LAMA1: variants seen among roughly 807,000 people sequenced by gnomAD.
The protein encoded by LAMA1 is laminin subunit alpha 1.
Under a neutral mutation model 348.7 loss-of-function variants are expected in LAMA1, and 219 were observed. That is an observed-to-expected ratio of 0.63 (90% CI 0.56 to 0.70). The LOEUF is 0.70. Ranked by LOEUF, LAMA1 falls within the 30% of genes least tolerant of loss-of-function variation. The pLI is 0.00. For synonymous variants in LAMA1, 1,487 were observed against 1,491.0 expected, an observed-to-expected ratio of 1.00 and a Z score of 0.06; for missense variants, 3,744 against 3,888.0, an observed-to-expected ratio of 0.96 and a Z score of 0.99.
At position 7,044,826 on chromosome 18, in the gene LAMA1, TG is replaced by T; in HGVS notation, c.871del (p.Gln291AsnfsTer59). On this transcript the variant is annotated frameshift_variant, in exon 7 of 63. Transcript: ENST00000389658. LOFTEE classifies it high-confidence loss of function. Reference sequence around the variant, plus strand: ...CTCCCCGCAAGTATTATGCTCACATTGACACTGCAGTTTCTACACAATAAGG... The same window carrying T: ...CTCCCCGCAAGTATTATGCTCACATTACACTGCAGTTTCTACACAATAAGG... ...WDETTKKLQCQCEHNTCGESC... is the reference protein window; with the variant it reads ...WDETTKKLQCXCEHNTCGESC... 6.2e-7 allele frequency: 1 copy of T among 1,613,342 alleles called. No homozygotes were observed. The highest frequency in any genetic ancestry group is 8.5e-7 in the Non-Finnish European group (1 of 1,179,284).
chr18:7,024,494 T>G (rs765587816), intron 17 of LAMA1, 28 bp from the exon 18 acceptor site: 1 of 1,575,828 alleles, frequency 6.3e-7, no homozygotes, highest in South Asian at 1.1e-5. Flanking sequence ...ATGAACAAAA[T>G]TTTCCAATGG....
Position 6,948,642 on chromosome 18 carries a change from G to T in LAMA1, c.8557-86C>A, listed in dbSNP as rs1403116400. 6 of 1,472,278 alleles carry T rather than the reference G, an allele frequency of 4.1e-6. No individual in the cohort carries two copies. In the African/African-American group the frequency reaches 5.5e-5, roughly 14 times the overall value. The allele number at this position is 1,472,278 out of a possible 1,614,324, so 91.2% of individuals were successfully genotyped here. A position where few individuals can be genotyped will look rare whatever the true frequency, so the allele number is the denominator to read the frequency against. ...ATTTTCCTTCCACTTCATCAGACTG[G>T]TCTCAGCAAAACACATTAAAATGTA... is the stretch of plus-strand genomic sequence containing the variant. On this transcript the variant is annotated intron_variant, in intron 59 of 62. Transcript: ENST00000389658.
intron 7 of LAMA1, 59 bp downstream of exon 7, chr18:7,044,663 A>C: frequency 7.6e-7 from 1 of 1,312,644 alleles, no homozygotes; most frequent in Non-Finnish European, 1.1e-6. Flanking sequence ...AAGACACCAT[A>C]AACTTGGGAC....
chr18:7,021,836 A>ATATTATTATATTATATAAT (rs1240631633), intron 19 of LAMA1, among the ~76,000 whole-genome samples: 20 of 58,154 alleles, frequency 3.4e-4, no homozygotes, highest in South Asian at 6.9e-4. Context: ...ATAATATAAT[A>ATATTATTATATTATATAAT]ATATATTATA....
chr18:7,087,493 C>T (rs2058222517), intron 1 of LAMA1, among the ~76,000 whole-genome samples: 1 of 152,192 alleles, frequency 6.6e-6, no homozygotes, highest in South Asian at 2.1e-4. Flanking sequence ...TCTTCCTTCC[C>T]CTGGCCCACT....
intron 1 of LAMA1, among the ~76,000 whole-genome samples, chr18:7,096,626 G>A (rs1223261457): frequency 6.6e-6 from 1 of 151,546 alleles, no homozygotes; most frequent in Non-Finnish European, 1.5e-5. Context: ...CTGCAATCCA[G>A]TCTAGGTGAC....
At chr18:7,013,029 T>C (rs535307916) in intron 23 of LAMA1, among the ~76,000 whole-genome samples, 8 of 151,732 alleles carry the variant, frequency 5.3e-5, no homozygotes, top group African/African-American at 1.9e-4. Flanking sequence ...GGCGTGGTGG[T>C]GGGCACCTCT....
At chr18:7,031,985 CT>C in intron 16 of LAMA1, 80 bp downstream of exon 16, 1 of 1,051,516 alleles carries the variant, frequency 9.5e-7, no homozygotes, top group Non-Finnish European at 1.4e-6. Flanking sequence ...GGAGGAAGCA[CT>C]TAAAAAAAAA....
intron 1 of LAMA1, among the ~76,000 whole-genome samples, chr18:7,092,496 C>T (rs2058243288): frequency 1.3e-5 from 2 of 151,946 alleles, no homozygotes; most frequent in African/African-American, 2.4e-5. Flanking sequence ...CGTGGTGGCA[C>T]GCACTGTAGT....
intron 56 of LAMA1, 194 bp from the exon 57 acceptor site, chr18:6,955,659 C>A: frequency 1.5e-6 from 1 of 682,974 alleles, no homozygotes; most frequent in Non-Finnish European, 2.7e-6. Context: ...CTGAAGAAAG[C>A]ACTTAGAGCT....
At chr18:7,017,784 T>C (rs1264940722) in intron 19 of LAMA1, among the ~76,000 whole-genome samples, 3 of 152,218 alleles carry the variant, frequency 2.0e-5, no homozygotes, top group Non-Finnish European at 4.4e-5. Flanking sequence ...AGTTAAAACG[T>C]AATCTAAATA....
At chr18:6,955,216 C>T (rs2057569654) in intron 57 of LAMA1, 137 bp downstream of exon 57, 2 of 726,164 alleles carry the variant, frequency 2.8e-6, no homozygotes, top group East Asian at 2.7e-5. Context: ...AATTCCTTCT[C>T]TTTGCCATTT....
Position 6,991,389 on chromosome 18 carries a change from C to CT in LAMA1, c.5168+1171dup, listed in dbSNP as rs34001050. On this transcript the variant is annotated intron_variant, in intron 36 of 62. Transcript: ENST00000389658. ...TGACTAAATAATTCCACTTCTTCTT[C>CT]TTTTTTTTTTTTTTTTTTTGAGACG... Among the ~76,000 whole-genome samples, 658 of 118,410 alleles carry CT rather than the reference C, an allele frequency of 5.6e-3. 5 individuals carry two copies. The highest frequency in any genetic ancestry group is 7.2e-3 in the African/African-American group (218 of 30,226). The allele number at this position is 118,410 out of a possible 152,430, so 77.7% of individuals were successfully genotyped here.
intron 5 of LAMA1, among the ~76,000 whole-genome samples, chr18:7,046,971 G>C (rs1240629905): frequency 1.3e-5 from 2 of 150,792 alleles, no homozygotes; most frequent in African/African-American, 2.4e-5. Flanking sequence ...TAGTTGCTTT[G>C]TAGCTTTTCT....
chr18:7,030,036 T>C (rs954954386), intron 16 of LAMA1, among the ~76,000 whole-genome samples: 22 of 152,066 alleles, frequency 1.4e-4, no homozygotes, highest in African/African-American at 4.1e-4. Context: ...ACGTTTTTTG[T>C]ATTTCCTTAA....
intron 3 of LAMA1, among the ~76,000 whole-genome samples, chr18:7,067,916 C>T (rs555077972): frequency 5.8e-4 from 88 of 151,958 alleles, no homozygotes; most frequent in African/African-American, 2.0e-3. Context: ...TGCAATGGCA[C>T]GATCTTGGCT....
Position 7,034,394 on chromosome 18 carries a change from C to T in LAMA1, c.2051+85G>A, listed in dbSNP as rs977743429. ...TCCTTAATATAATGAATGTAAAATA[C>T]GTTGAGCTTTAAATATATATGAATA... On this transcript the variant is annotated intron_variant, in intron 14 of 62. Coordinates refer to ENST00000389658, the MANE Select transcript of LAMA1 (RefSeq NM_005559.4). 1.5e-5 allele frequency: 15 copies of T among 973,322 alleles called. No individual in the cohort carries two copies. The African/African-American group carries it at 1.6e-4, about 10-fold the overall frequency. The allele number at this position is 973,322 out of a possible 1,614,324, so 60.3% of individuals were successfully genotyped here.
rs2057847676 is a variant in LAMA1 at position 7,009,260 on chromosome 18, C to T, written c.3980G>A (p.Gly1327Asp). ...IEYILIKASY[G>D]QGLQQSRISD... ...GTACCTGCTCTGCTGTAATCCTTGA[C>T]CATACGATGCCTTGATGAGGATGTA... Residue 1327 changes from glycine to aspartate, a missense_variant, in exon 27 of 63, where the codon GGT becomes GAT. By Grantham distance (94) the Gly-to-Asp change is moderately conservative. Around this residue, in one of 3 missense-constraint regions of LAMA1, gnomAD observed 1,983 missense variants for 1,934.3 expected, o/e 1.03. Coordinates refer to ENST00000389658, the MANE Select transcript of LAMA1 (RefSeq NM_005559.4). The T allele has an allele frequency of 6.2e-7, 1 of 1,613,914 alleles. No homozygotes were observed. Among genetic ancestry groups the T allele is most frequent in the East Asian group, 2.2e-5 (1 of 44,876 alleles).
rs1204736338 is a variant in LAMA1 at position 6,974,972 on chromosome 18, C to T, written c.6554G>A (p.Gly2185Glu). 6.2e-7 allele frequency: 1 copy of T among 1,613,934 alleles called. No individual in the cohort carries two copies. The highest frequency in any genetic ancestry group is 8.5e-7 in the Non-Finnish European group (1 of 1,180,002). ...RVAFLWDLGS[G>E]STRLEFPDFP... ...GTCTGGAAACTCCAAGCGTGTGGAC[C>T]CGGAGCCCAGGTCCCACAGGAAGGC... is the stretch of plus-strand genomic sequence containing the variant. Residue 2185 changes from glycine (G) to glutamate (E), a missense_variant, in exon 46 of 63, where the codon GGG (glycine) becomes GAG (glutamate). Transcript: ENST00000389658.
Sources: allele counts gnomAD v4.1 joint callset (sites outside exome capture counted in the v4.1 genomes callset), GRCh38; gene constraint gnomAD v4.1.1; regional missense constraint gnomAD v4.1.1; transcripts MANE v1.5; gene names NCBI Gene and HGNC (gene_info 2026-07-23, HGNC 2026-07-21).